PCDH15: variants seen among roughly 807,000 people sequenced by gnomAD.
PCDH15 encodes protocadherin related 15, also known as protocadherin-15.
PCDH15 carries 129 observed loss-of-function variants against 178.5 expected under a neutral mutation model. The ratio of observed to expected loss-of-function variants is 0.72; its 90% confidence interval spans 0.63 to 0.84. The LOEUF (loss-of-function observed/expected upper bound fraction) is 0.84, where lower values mean the gene tolerates loss of function less well. PCDH15 is among the 40% of genes least tolerant of loss of function. PCDH15 has a pLI of 0.00. For missense variants in PCDH15, 2,230 were observed against 2,099.9 expected, an observed-to-expected ratio of 1.06 and a Z score of -1.21; for synonymous variants, 800 against 732.0, an observed-to-expected ratio of 1.09 and a Z score of -1.50.
chr10:55,181,808 A>T (rs1290737157), intron 1 of PCDH15, among the ~76,000 whole-genome samples: 1 of 152,018 alleles, frequency 6.6e-6, no homozygotes, highest in East Asian at 1.9e-4. Context: ...TGTTCTTGTG[A>T]ACTAAAATAA....
chr10:54,014,342 A>ACAG (rs1554913609), intron 20 of PCDH15, among the ~76,000 whole-genome samples: 1 of 151,712 alleles, frequency 6.6e-6, no homozygotes, highest in African/African-American at 2.4e-5. Flanking sequence ...CCACATGTAT[A>ACAG]AAGAGCTGGT....
chr10:55,379,658 C>A (rs375594538), intron 2 of PCDH15, among the ~76,000 whole-genome samples: 7 of 152,086 alleles, frequency 4.6e-5, no homozygotes, highest in Middle Eastern at 3.4e-3. Context: ...GGCAGTCAGG[C>A]TCCAGAATCC....
chr10:54,302,073 A>G (rs2384445), intron 8 of PCDH15, among the ~76,000 whole-genome samples: 1 of 152,154 alleles, frequency 6.6e-6, no homozygotes, highest in African/African-American at 2.4e-5. Context: ...TCAACATAAC[A>G]TACTGTTTGT....
At chr10:54,883,406 T>C (rs931202190) in intron 3 of PCDH15, among the ~76,000 whole-genome samples, 4 of 152,026 alleles carry the variant, frequency 2.6e-5, no homozygotes, top group African/African-American at 9.7e-5. Flanking sequence ...ATGATTATTC[T>C]GGATGCATAT....
rs1299496804 is a variant in PCDH15, at chr10:54,020,397, C to G, written c.2546G>C (p.Gly849Ala). The G allele has an allele frequency of 1.2e-6, 2 of 1,613,632 alleles. No homozygotes were observed. Among genetic ancestry groups the G allele is most frequent in the Non-Finnish European group, 1.7e-6 (2 of 1,179,738 alleles). ...TCTTATCCGGTAAGACACATTTGCT[C>G]CAAGGTCGACATCTTTGGCCTGTAA... ...LQIEAKDVDL[G>A]ANVSYRIRSP... is the part of the protein sequence containing the mutation. Residue 849 changes from glycine to alanine, a missense_variant, in exon 20 of 38, where the codon GGA (glycine) becomes GCA (alanine). By Grantham distance (60) the Gly-to-Ala change is moderately conservative. Transcript: ENST00000644397.
intron 17 of PCDH15, among the ~76,000 whole-genome samples, chr10:54,070,501 G>C (rs989561432): frequency 6.6e-6 from 1 of 152,196 alleles, no homozygotes; most frequent in Non-Finnish European, 1.5e-5. Context: ...ATCGCACCCA[G>C]CTTACTGTTG....
chr10:55,555,505 T>G (rs1015228961), intron 2 of PCDH15, among the ~76,000 whole-genome samples: 1 of 152,228 alleles, frequency 6.6e-6, no homozygotes, highest in African/African-American at 2.4e-5. Flanking sequence ...TGTGGTGTAG[T>G]TTTCCTCCTG....
At chr10:55,292,887 T>C (rs950844582) in intron 1 of PCDH15, among the ~76,000 whole-genome samples, 1 of 152,200 alleles carries the variant, frequency 6.6e-6, no homozygotes, top group Non-Finnish European at 1.5e-5. Flanking sequence ...AAGCTGTAAG[T>C]AAATCTGCAA....
intron 5 of PCDH15, among the ~76,000 whole-genome samples, chr10:54,348,760 A>C (rs1002942224): frequency 3.3e-5 from 5 of 152,182 alleles, no homozygotes; most frequent in African/African-American, 4.8e-5. Flanking sequence ...ACCATGTTGT[A>C]CAATAGATTT....
At chr10:55,538,408 T>TCCTTCCTCCCTCCCTC (rs1564441799) in intron 2 of PCDH15, among the ~76,000 whole-genome samples, 2 of 142,758 alleles carry the variant, frequency 1.4e-5, no homozygotes, top group Non-Finnish European at 1.5e-5. Flanking sequence ...CTTCCTTCCT[T>TCCTTCCTCCCTCCCTC]CCTTCCTCCC....
intron 1 of PCDH15, among the ~76,000 whole-genome samples, chr10:55,212,039 T>C (rs1421544569): frequency 6.6e-6 from 1 of 152,012 alleles, no homozygotes; most frequent in East Asian, 1.9e-4. Flanking sequence ...GCTGTGCCAA[T>C]AGAAAACAGC....
intron 3 of PCDH15, among the ~76,000 whole-genome samples, chr10:54,842,948 G>C (rs554541873): frequency 6.6e-6 from 1 of 151,974 alleles, no homozygotes; most frequent in African/African-American, 2.4e-5. Flanking sequence ...AAGTGTCATC[G>C]TATGTTAATG....
intron 2 of PCDH15, among the ~76,000 whole-genome samples, chr10:55,394,735 A>C (rs1163711258): frequency 6.6e-6 from 1 of 152,084 alleles, no homozygotes; most frequent in Non-Finnish European, 1.5e-5. Context: ...AATATAATTA[A>C]AGAAGTAATG....
intron 2 of PCDH15, among the ~76,000 whole-genome samples, chr10:54,578,605 AATG>A (rs1280592290): frequency 6.6e-6 from 1 of 152,168 alleles, no homozygotes; most frequent in Admixed American, 6.6e-5. Context: ...TTATGGTCAG[AATG>A]ACAAAAATAT....
At chr10:55,525,847 G>GT (rs889040492) in intron 2 of PCDH15, among the ~76,000 whole-genome samples, 5 of 151,832 alleles carry the variant, frequency 3.3e-5, no homozygotes, top group African/African-American at 1.2e-4. Flanking sequence ...AATCAATAAT[G>GT]TGGTGGCAGC....
At chr10:54,500,242 C>T (rs2080539944) in intron 3 of PCDH15, among the ~76,000 whole-genome samples, 1 of 151,980 alleles carries the variant, frequency 6.6e-6, no homozygotes, top group South Asian at 2.1e-4. Flanking sequence ...GGGAGCTAAA[C>T]ATTGAGTTCA....
intron 2 of PCDH15, among the ~76,000 whole-genome samples, chr10:55,526,299 ATC>A (rs1435632479): frequency 6.6e-6 from 1 of 152,022 alleles, no homozygotes; most frequent in Non-Finnish European, 1.5e-5. Flanking sequence ...AGACAAATTC[ATC>A]TGTGTATATC....
chr10:54,568,153 G>C (rs2089303711), intron 2 of PCDH15, among the ~76,000 whole-genome samples: 1 of 151,846 alleles, frequency 6.6e-6, no homozygotes, highest in Non-Finnish European at 1.5e-5. Flanking sequence ...CTTGGCTTCA[G>C]TCATTTTGCT....
At chr10:54,460,491 GAGA>G (rs1481896992) in intron 3 of PCDH15, among the ~76,000 whole-genome samples, 7 of 152,108 alleles carry the variant, frequency 4.6e-5, no homozygotes, top group Admixed American at 4.6e-4. Flanking sequence ...TATATGCAAG[GAGA>G]AGGAGACAAA....
Sources: allele counts gnomAD v4.1 joint callset (sites outside exome capture counted in the v4.1 genomes callset), GRCh38; gene constraint gnomAD v4.1.1; transcripts MANE v1.5; gene names NCBI Gene and HGNC (gene_info 2026-07-23, HGNC 2026-07-21).